Variants in BCAS3 observed in about 807,000 individuals in gnomAD.
BCAS3 encodes the protein BCAS4/BCAS3 fusion.
Under a neutral mutation model 116.1 loss-of-function variants are expected in BCAS3, and 53 were observed. The observed-to-expected ratio is 0.46, with a 90% CI of 0.37 to 0.57. BCAS3 has a LOEUF of 0.57. BCAS3 is among the 20% of genes least tolerant of loss of function. BCAS3 has a pLI of 0.00. For synonymous variants in BCAS3, 391 were observed against 408.2 expected (o/e 0.96, Z 0.51); for missense variants, 917 against 1,165.4 (o/e 0.79, Z 3.10).
At position 61,363,610 on chromosome 17, in the gene BCAS3, T is replaced by C. The variant is rs1018853846; in HGVS notation, c.2426-4717T>C. 6.6e-6 allele frequency among the ~76,000 whole-genome samples: 1 copy of C among 151,888 alleles called. No individual in the cohort carries two copies. Among genetic ancestry groups the C allele is most frequent in the Non-Finnish European group, 1.5e-5 (1 of 67,974 alleles). On this transcript the variant is annotated intron_variant, in intron 22 of 23. Transcript: ENST00000407086. This position sits in a 1 kb window ranked among gnomAD's most constrained non-coding sequence, Gnocchi z 4.9. ...CTTGTACAGTGCTCGACTCATATCATAGTGGACACTAACTAATATTTGATA... is the reference window on the plus strand; with the variant it reads ...CTTGTACAGTGCTCGACTCATATCACAGTGGACACTAACTAATATTTGATA...
intron 4 of BCAS3, among the ~76,000 whole-genome samples, chr17:60,707,951 G>C (rs2037379811): frequency 6.6e-6 from 1 of 152,116 alleles, no homozygotes; most frequent in African/African-American, 2.4e-5. Context: ...TTGATTTATA[G>C]TTTTCTTGTA....
intron 6 of BCAS3, among the ~76,000 whole-genome samples, chr17:60,784,456 G>A (rs868825599): frequency 7.2e-6 from 1 of 139,818 alleles, no homozygotes; most frequent in South Asian, 2.1e-4. Flanking sequence ...CCGCCACCAT[G>A]CCCGGATAAT....
chr17:61,008,041 G>GACAC lies in BCAS3; in HGVS notation c.1487-7690_1487-7687dup, dbSNP rs149531395. 6.9e-3 allele frequency among the ~76,000 whole-genome samples: 1,036 copies of GACAC among 149,312 alleles called. 5 individuals carry two copies. The highest frequency in any genetic ancestry group is 0.031 in the Middle Eastern group (9 of 292). On this transcript the variant is annotated intron_variant, in intron 15 of 23. Transcript: ENST00000407086. The surrounding 1 kb of genome is among the most constrained non-coding windows in gnomAD (Gnocchi z 4.6). ...CTTTAAAAATGTGTGTCTGTGTGTC[G>GACAC]ACACACACACACACACACACACATA...
At chr17:60,922,937 GT>G (rs1310605275) in intron 12 of BCAS3, among the ~76,000 whole-genome samples, 1 of 152,144 alleles carries the variant, frequency 6.6e-6, no homozygotes, top group Admixed American at 6.6e-5. Flanking sequence ...TATAACTATA[GT>G]GTTATATGGA....
At position 61,228,034 on chromosome 17, in the gene BCAS3, G is replaced by A. The variant is rs545730761; in HGVS notation, c.2426-140293G>A. Among the ~76,000 whole-genome samples, 5 of 152,172 alleles carry A rather than the reference G, an allele frequency of 3.3e-5. No individual in the cohort carries two copies. Among genetic ancestry groups the A allele is most frequent in the African/African-American group, 7.2e-5 (3 of 41,524 alleles). On this transcript the variant is annotated intron_variant, in intron 22 of 23. Coordinates refer to ENST00000407086, the MANE Select transcript of BCAS3 (RefSeq NM_017679.5). This position sits in a 1 kb window ranked among gnomAD's most constrained non-coding sequence, Gnocchi z 5.0. ...CTTTCCAATTTCCAGCACAGGTTTTGCATCTGGTTTTCCTAAGAAGGCCCC... is the reference window on the plus strand; with the variant it reads ...CTTTCCAATTTCCAGCACAGGTTTTACATCTGGTTTTCCTAAGAAGGCCCC...
At chr17:60,766,498 CTT>C (rs1364053583) in intron 6 of BCAS3, among the ~76,000 whole-genome samples, 1 of 152,204 alleles carries the variant, frequency 6.6e-6, no homozygotes, top group African/African-American at 2.4e-5. Flanking sequence ...TCCAGACCCT[CTT>C]TGCCTGGGTA....
At chr17:60,914,267 T>A (rs2058663533) in intron 12 of BCAS3, among the ~76,000 whole-genome samples, 1 of 152,192 alleles carries the variant, frequency 6.6e-6, no homozygotes, top group Non-Finnish European at 1.5e-5. Flanking sequence ...GTTTAATGTT[T>A]TAGGCTAGGT....
At chr17:61,050,696 A>C (rs1018516896) in intron 19 of BCAS3, among the ~76,000 whole-genome samples, 1 of 152,072 alleles carries the variant, frequency 6.6e-6, no homozygotes, top group Non-Finnish European at 1.5e-5. Context: ...CTAATAAAAA[A>C]TGAGATTGTC....
At chr17:61,212,407 A>T (rs2081515237) in intron 22 of BCAS3, among the ~76,000 whole-genome samples, 1 of 152,102 alleles carries the variant, frequency 6.6e-6, no homozygotes, top group African/African-American at 2.4e-5. Flanking sequence ...CCAGCCTTGA[A>T]GCTCAAATAA....
At chr17:61,169,609 A>C (rs1367918768) in intron 22 of BCAS3, among the ~76,000 whole-genome samples, 1 of 152,204 alleles carries the variant, frequency 6.6e-6, no homozygotes, top group African/African-American at 2.4e-5. Context: ...GTACTTTAGA[A>C]GCACTCCACA....
chr17:60,794,039 T>A (rs1179269879), intron 6 of BCAS3, among the ~76,000 whole-genome samples: 1 of 152,162 alleles, frequency 6.6e-6, no homozygotes, highest in Non-Finnish European at 1.5e-5. Flanking sequence ...GTAGAAGTGT[T>A]CCCTGATCGC....
At chr17:61,317,724 G>A (rs1337417988) in intron 22 of BCAS3, among the ~76,000 whole-genome samples, 1 of 152,222 alleles carries the variant, frequency 6.6e-6, no homozygotes, top group South Asian at 2.1e-4. Context: ...GGGCACAGTT[G>A]TTCCTAAGAA....
At chr17:61,351,941 A>C (rs1481085040) in intron 22 of BCAS3, among the ~76,000 whole-genome samples, 4 of 152,314 alleles carry the variant, frequency 2.6e-5, no homozygotes, top group East Asian at 3.9e-4. Context: ...TCTTCCCTTT[A>C]GAGGGAGGCC....
chr17:61,206,658 G>A (rs1023317901), intron 22 of BCAS3, among the ~76,000 whole-genome samples: 9 of 144,882 alleles, frequency 6.2e-5, no homozygotes, highest in Middle Eastern at 4.0e-3. Context: ...GAAATTAGCC[G>A]GGCATGGTTG....
intron 14 of BCAS3, among the ~76,000 whole-genome samples, chr17:60,984,952 G>A (rs1211289950): frequency 6.8e-6 from 1 of 146,108 alleles, no homozygotes; most frequent in Admixed American, 6.9e-5. Flanking sequence ...AGAGGTTGCA[G>A]TGAGCCGAGA....
rs117429386 is a variant in BCAS3, at chr17:61,000,773, G to C, written c.1486+10538G>C. 1.7e-4 allele frequency among the ~76,000 whole-genome samples: 26 copies of C among 152,188 alleles called. No individual in the cohort carries two copies. In the East Asian group the frequency reaches 5.0e-3, roughly 29 times the overall value. On this transcript the variant is annotated intron_variant, in intron 15 of 23. Coordinates refer to ENST00000407086, the MANE Select transcript of BCAS3 (RefSeq NM_017679.5). ...TTAGAACAATACTAGGCTCAATGTT[G>C]ATAAGCTCAGTTGCTACATTGCTAC... is the stretch of plus-strand genomic sequence containing the variant.
chr17:60,793,498 C>T (rs972267335), intron 6 of BCAS3, among the ~76,000 whole-genome samples: 9 of 152,044 alleles, frequency 5.9e-5, no homozygotes, highest in African/African-American at 2.2e-4. Flanking sequence ...TTGATGCACC[C>T]ATCACCTGAG....
chr17:60,915,983 G>A (rs563694315), intron 12 of BCAS3, among the ~76,000 whole-genome samples: 1 of 152,204 alleles, frequency 6.6e-6, no homozygotes, highest in South Asian at 2.1e-4. Flanking sequence ...GCGCCCAGCT[G>A]TAGTTTGTAC....
intron 5 of BCAS3, among the ~76,000 whole-genome samples, chr17:60,728,521 C>A (rs989055824): frequency 2.0e-5 from 3 of 151,880 alleles, no homozygotes; most frequent in African/African-American, 7.3e-5. Flanking sequence ...ACTTTGTCGC[C>A]TAGGCTGGAG....
Sources: gnomAD v4.1 joint callset for allele counts (sites outside exome capture counted in the v4.1 genomes callset) on GRCh38, gnomAD v4.1.1 for gene constraint, Gnocchi (gnomAD v3.1) non-coding constraint, MANE v1.5 for transcripts, NCBI Gene and HGNC (gene_info 2026-07-23, HGNC 2026-07-21) for gene names.